Variants in DGCR2 observed in about 807,000 individuals in gnomAD.
DGCR2 encodes DiGeorge syndrome critical region gene 2.
A neutral mutation model predicts 51.6 loss-of-function variants in DGCR2; 24 were observed. The ratio of observed to expected loss-of-function variants is 0.47; its 90% CI spans 0.34 to 0.65. The LOEUF (loss-of-function observed/expected upper bound fraction) is 0.65, where lower values mean the gene tolerates loss of function less well. DGCR2 is among the 30% of genes least tolerant of loss of function. The probability of loss-of-function intolerance (pLI) is 0.01; values close to 1 mark genes in which losing one functional copy is unlikely to be tolerated. For synonymous variants in DGCR2, 340 were observed against 315.4 expected, an observed-to-expected ratio of 1.08 and a Z score of -0.82; for missense variants, 765 against 772.1, an observed-to-expected ratio of 0.99 and a Z score of 0.11.
intron 5 of DGCR2, chr22:19,061,150 G>T (rs59274637): frequency 0.016 from 3,809 of 233,494 alleles, 122 homozygotes; most frequent in East Asian, 0.055. Flanking sequence ...ATTTTTGGGG[G>T]GGCCAACACC....
At chr22:19,108,659 C>CAAATGTAG (rs2083284569) in intron 1 of DGCR2, among the ~76,000 whole-genome samples, 1 of 140,280 alleles carries the variant, frequency 7.1e-6, no homozygotes, top group Non-Finnish European at 1.5e-5. Flanking sequence ...TAGACCTACA[C>CAAATGTAG]AAATGTAGTC....
At chr22:19,119,769 T>C (rs1432062008) in intron 1 of DGCR2, among the ~76,000 whole-genome samples, 1 of 141,804 alleles carries the variant, frequency 7.1e-6, no homozygotes, top group Non-Finnish European at 1.5e-5. Flanking sequence ...TGGTGAAAGG[T>C]CAAGTACAGC....
intron 1 of DGCR2, among the ~76,000 whole-genome samples, chr22:19,112,176 G>A (rs2083322993): frequency 6.6e-6 from 1 of 151,210 alleles, no homozygotes; most frequent in African/African-American, 2.4e-5. Flanking sequence ...GGGAGGCTGA[G>A]GCAGGAGAAT....
chr22:19,065,150 A>G, intron 3 of DGCR2, 83 bp from the exon 4 acceptor site: 1 of 1,202,440 alleles, frequency 8.3e-7, no homozygotes, highest in East Asian at 2.5e-5. Context: ...AGGGACAGGC[A>G]CACCTTGTAA....
intron 6 of DGCR2, among the ~76,000 whole-genome samples, chr22:19,053,838 A>T (rs115522281): frequency 0.015 from 2,334 of 152,372 alleles, 61 homozygotes; most frequent in African/African-American, 0.054. Flanking sequence ...GGAAATTCAG[A>T]TGAGAGATGG....
intron 1 of DGCR2, among the ~76,000 whole-genome samples, chr22:19,095,817 G>A (rs1414151270): frequency 6.6e-6 from 1 of 151,760 alleles, no homozygotes; most frequent in African/African-American, 2.4e-5. Context: ...TGACCACAAG[G>A]CTAAAAATCC....
chr22:19,052,414 T>TCACACACA (rs34670843), intron 6 of DGCR2, among the ~76,000 whole-genome samples: 5,998 of 148,610 alleles, frequency 0.04, 156 homozygotes, highest in Non-Finnish European at 0.06. Flanking sequence ...AGACTCTGTC[T>TCACACACA]CACACACACA....
At chr22:19,067,313 C>T (rs1175696670) in intron 3 of DGCR2, among the ~76,000 whole-genome samples, 1 of 152,244 alleles carries the variant, frequency 6.6e-6, no homozygotes, top group African/African-American at 2.4e-5. Flanking sequence ...GGCTTTTCCT[C>T]CCCTCAACCT....
chr22:19,103,416 CTTTTTTTTTTTTTTTTTT>C (rs55877455), intron 1 of DGCR2, among the ~76,000 whole-genome samples: 12,539 of 68,748 alleles, frequency 0.18, 780 homozygotes, highest in Middle Eastern at 0.3. Context: ...AAAAAAAGTT[CTTTTTTTTTTTTTTTTTT>C]TTTTTTTTTT....
chr22:19,049,701 C>T (rs1272002707), intron 6 of DGCR2, among the ~76,000 whole-genome samples: 1 of 152,086 alleles, frequency 6.6e-6, no homozygotes, highest in Non-Finnish European at 1.5e-5. Context: ...GTGGCATGTG[C>T]CTGTAATCCC....
At chr22:19,066,810 T>C (rs1384933066) in intron 3 of DGCR2, among the ~76,000 whole-genome samples, 1 of 152,126 alleles carries the variant, frequency 6.6e-6, no homozygotes, top group Non-Finnish European at 1.5e-5. Context: ...GTGCTGCCTG[T>C]TCAAAACTGA....
intron 6 of DGCR2, among the ~76,000 whole-genome samples, chr22:19,053,749 C>G (rs1395039563): frequency 6.6e-6 from 1 of 152,222 alleles, no homozygotes; most frequent in South Asian, 2.1e-4. Flanking sequence ...AGGAACTTCC[C>G]CACAGGGAAT....
chr22:19,072,840 T>C (rs571029418), intron 2 of DGCR2, among the ~76,000 whole-genome samples: 2 of 152,160 alleles, frequency 1.3e-5, no homozygotes, highest in East Asian at 3.9e-4. Flanking sequence ...CACCACTGCA[T>C]TCCAGCCTGG....
intron 6 of DGCR2, among the ~76,000 whole-genome samples, chr22:19,055,440 T>C (rs1022457978): frequency 6.6e-6 from 1 of 152,150 alleles, no homozygotes; most frequent in African/African-American, 2.4e-5. Flanking sequence ...CATTCTAAGT[T>C]GAGAAGACAA....
chr22:19,114,062 GAAAAAAAAA>G (rs55948025), intron 1 of DGCR2, among the ~76,000 whole-genome samples: 1 of 80,988 alleles, frequency 1.2e-5, no homozygotes, highest in Non-Finnish European at 2.3e-5. Context: ...TCCATTTGAG[GAAAAAAAAA>G]AAAAAAAAAA....
chr22:19,089,566 A>T, intron 1 of DGCR2, 76 bp from the exon 2 acceptor site: 1 of 1,362,798 alleles, frequency 7.3e-7, no homozygotes, highest in East Asian at 2.8e-5. Flanking sequence ...GGCTGGATCA[A>T]TCTCTTCCCA....
At chr22:19,110,506 C>A (rs2083302979) in intron 1 of DGCR2, among the ~76,000 whole-genome samples, 1 of 152,086 alleles carries the variant, frequency 6.6e-6, no homozygotes, top group Non-Finnish European at 1.5e-5. Context: ...ATACCTAATG[C>A]ATGCGGGGCT....
chr22:19,114,152 G>A (rs2800987), intron 1 of DGCR2, among the ~76,000 whole-genome samples: 46,901 of 113,958 alleles, frequency 0.41, 8,108 homozygotes, highest in African/African-American at 0.55. Context: ...GTTACCAAAG[G>A]AAAAAAAAAA....
intron 1 of DGCR2, among the ~76,000 whole-genome samples, chr22:19,098,047 G>A (rs562316966): frequency 8.5e-5 from 13 of 152,094 alleles, no homozygotes; most frequent in South Asian, 2.1e-4. Context: ...GCCCCCACAC[G>A]GATTTTCTGT....
Sources: gnomAD v4.1 joint callset for allele counts (sites outside exome capture counted in the v4.1 genomes callset) on GRCh38, gnomAD v4.1.1 for gene constraint, MANE v1.5 for transcripts, NCBI Gene and HGNC (gene_info 2026-07-23, HGNC 2026-07-21) for gene names.